FAM117B: variants seen among roughly 807,000 people sequenced by gnomAD.
The protein encoded by FAM117B is protein FAM117B.
Under a neutral mutation model 52.8 loss-of-function variants are expected in FAM117B, and 22 were observed. That is an observed-to-expected ratio of 0.42 (90% CI 0.30 to 0.59). The LOEUF (loss-of-function observed/expected upper bound fraction) is 0.59, where lower values mean the gene tolerates loss of function less well. Among genes scored for constraint, FAM117B ranks in the 20% least tolerant of loss-of-function variants. FAM117B has a pLI of 0.22. For synonymous variants in FAM117B, 309 were observed against 324.1 expected (o/e 0.95, Z 0.50); for missense variants, 678 against 802.6 (o/e 0.84, Z 1.88).
At chr2:202,667,811 A>G (rs1690228449) in intron 1 of FAM117B, among the ~76,000 whole-genome samples, 1 of 152,116 alleles carries the variant, frequency 6.6e-6, no homozygotes, top group African/African-American at 2.4e-5. Context: ...TTGACAGATG[A>G]GGAGATAATT....
At chr2:202,636,207 C>T (rs764021300) in intron 1 of FAM117B, among the ~76,000 whole-genome samples, 13 of 152,204 alleles carry the variant, frequency 8.5e-5, no homozygotes, top group Non-Finnish European at 1.8e-4. Context: ...TAGCCCATAT[C>T]TGCTGCTGCT....
intron 1 of FAM117B, 96 bp from the exon 2 acceptor site, chr2:202,695,781 CATAG>C (rs1209830761): frequency 7.8e-7 from 1 of 1,289,132 alleles, no homozygotes; most frequent in Non-Finnish European, 1.1e-6. Context: ...AGGGGATTAC[CATAG>C]TTAAGTTGGA....
chr2:202,708,051 T>G (rs1690900908), intron 2 of FAM117B, among the ~76,000 whole-genome samples: 1 of 152,190 alleles, frequency 6.6e-6, no homozygotes, highest in Admixed American at 6.5e-5. Context: ...ATTACAGGCA[T>G]AAGCCACCAC....
intron 2 of FAM117B, among the ~76,000 whole-genome samples, chr2:202,723,725 A>G (rs1691187210): frequency 6.6e-6 from 1 of 152,208 alleles, no homozygotes; most frequent in Admixed American, 6.5e-5. Flanking sequence ...GCTACAGGGA[A>G]TAATAGGCAA....
At chr2:202,699,818 A>G (rs1379929143) in intron 2 of FAM117B, among the ~76,000 whole-genome samples, 1 of 152,168 alleles carries the variant, frequency 6.6e-6, no homozygotes, top group East Asian at 1.9e-4. Context: ...GTTTGTGGCA[A>G]CTCTGCCCTG....
intron 4 of FAM117B, among the ~76,000 whole-genome samples, chr2:202,753,986 G>C (rs57853698): frequency 0.49 from 75,229 of 151,988 alleles, 19,256 homozygotes; most frequent in Middle Eastern, 0.62. Flanking sequence ...CAAGGATCTA[G>C]AACCAGAAAT....
intron 4 of FAM117B, among the ~76,000 whole-genome samples, chr2:202,735,710 A>G (rs1256987210): frequency 6.6e-6 from 1 of 152,228 alleles, no homozygotes; most frequent in African/African-American, 2.4e-5. Context: ...AGAGTGGGAG[A>G]TGCCAGCATC....
rs1387607392 is a variant in FAM117B, at chr2:202,696,014, G to A, written c.735G>A (p.Met245Ile). Residue 245 changes from methionine to isoleucine, a missense_variant, in exon 2 of 8, where the codon ATG becomes ATA. Physicochemically the swap from Met to Ile is conservative, Grantham distance 10. Coordinates refer to ENST00000392238, the MANE Select transcript of FAM117B (RefSeq NM_173511.4). ...RDSHGQAAPCMRDKATQTESA... is the reference protein window; with the variant it reads ...RDSHGQAAPCIRDKATQTESA... ...GCCATGGGCAAGCTGCACCTTGCATGAGGGACAAAGCTACACAGGTAAGCT... is the reference window on the plus strand; with the variant it reads ...GCCATGGGCAAGCTGCACCTTGCATAAGGGACAAAGCTACACAGGTAAGCT... The A allele has an allele frequency of 6.2e-7, 1 of 1,614,076 alleles. No homozygotes were observed. Among genetic ancestry groups the A allele is most frequent in the South Asian group, 1.1e-5 (1 of 91,058 alleles).
intron 1 of FAM117B, among the ~76,000 whole-genome samples, chr2:202,659,370 T>G (rs752880561): frequency 2.0e-5 from 3 of 151,952 alleles, no homozygotes; most frequent in Non-Finnish European, 2.9e-5. Context: ...AATGCAAAAG[T>G]GTGATCTTAG....
At chr2:202,729,464 C>G (rs971730611) in intron 4 of FAM117B, among the ~76,000 whole-genome samples, 9 of 152,146 alleles carry the variant, frequency 5.9e-5, no homozygotes, top group African/African-American at 2.2e-4. Context: ...CTTCTGAGGC[C>G]ATTCATCAGC....
chr2:202,764,483 T>C (rs1691946623), intron 7 of FAM117B, among the ~76,000 whole-genome samples: 1 of 152,046 alleles, frequency 6.6e-6, no homozygotes, highest in South Asian at 2.1e-4. Context: ...TTGCCCAGGC[T>C]GGTCTGGAAC....
intron 4 of FAM117B, among the ~76,000 whole-genome samples, chr2:202,733,842 A>T (rs1691396614): frequency 6.6e-6 from 1 of 152,250 alleles, no homozygotes; most frequent in South Asian, 2.1e-4. Context: ...GTACATTCTC[A>T]GCTTACAAAG....
In FAM117B at chr2:202,759,348, A is replaced by G. The variant is rs780714925; in HGVS notation, c.1446A>G (p.Glu482=). 21 of 1,612,600 alleles carry G rather than the reference A, an allele frequency of 1.3e-5. No individual in the cohort carries two copies. The East Asian group carries it at 3.1e-4, about 24-fold the overall frequency. The part of the protein sequence containing the change: ...EGCERVKVFE[E]CSPKQLHEIP... ...GTGAAAGGGTCAAAGTCTTTGAGGAATGCTCGTAAGTATCCCTTCCACCAT... is the reference window on the plus strand; with the variant it reads ...GTGAAAGGGTCAAAGTCTTTGAGGAGTGCTCGTAAGTATCCCTTCCACCAT... The change falls in exon 7 of 8, where the codon GAA becomes GAG. Residue 482 remains glutamate (E), a synonymous_variant. Transcript: ENST00000392238.
intron 1 of FAM117B, among the ~76,000 whole-genome samples, chr2:202,664,366 T>C (rs1015168732): frequency 6.6e-6 from 1 of 152,236 alleles, no homozygotes; most frequent in East Asian, 1.9e-4. Context: ...TAGCCTGGAA[T>C]GTCTGAGAAC....
intron 7 of FAM117B, among the ~76,000 whole-genome samples, chr2:202,759,881 T>C (rs2105800736): frequency 6.6e-6 from 1 of 151,996 alleles, no homozygotes; most frequent in South Asian, 2.1e-4. Context: ...TTTTAAAGTT[T>C]GGAGAGACAG....
At chr2:202,707,745 CAAAT>C (rs1402553622) in intron 2 of FAM117B, among the ~76,000 whole-genome samples, 1 of 151,486 alleles carries the variant, frequency 6.6e-6, no homozygotes, top group Non-Finnish European at 1.5e-5. Context: ...ATCAATAAAA[CAAAT>C]AGTTTCATGA....
intron 1 of FAM117B, 77 bp from the exon 2 acceptor site, chr2:202,695,804 T>C (rs551203455): frequency 3.6e-5 from 52 of 1,450,878 alleles, no homozygotes; most frequent in Non-Finnish European, 4.4e-5. Flanking sequence ...GAGAACTTTC[T>C]ACATAGTTTA....
At chr2:202,674,500 A>G (rs1398166182) in intron 1 of FAM117B, among the ~76,000 whole-genome samples, 1 of 152,242 alleles carries the variant, frequency 6.6e-6, no homozygotes, top group Non-Finnish European at 1.5e-5. Flanking sequence ...ACTCTGCTGC[A>G]CTTCTGTTCC....
rs533971477 is a variant in FAM117B, at chr2:202,645,727, C to T, written c.601+9939C>T. Among the ~76,000 whole-genome samples, 5 of 152,026 alleles carry T rather than the reference C, an allele frequency of 3.3e-5. No individual in the cohort carries two copies. In the South Asian group the frequency reaches 8.3e-4, roughly 25 times the overall value. On this transcript the variant is annotated intron_variant, in intron 1 of 7. Coordinates refer to ENST00000392238, the MANE Select transcript of FAM117B (RefSeq NM_173511.4). ...CAAGCAAGTCTCCTGCCTCAGCCTCCCGAGTAGCTGGGACTGTAGGCGCGC... is the reference window on the plus strand; with the variant it reads ...CAAGCAAGTCTCCTGCCTCAGCCTCTCGAGTAGCTGGGACTGTAGGCGCGC...
Sources: gnomAD v4.1 joint callset for allele counts (sites outside exome capture counted in the v4.1 genomes callset) on GRCh38, gnomAD v4.1.1 for gene constraint, MANE v1.5 for transcripts, NCBI Gene and HGNC (gene_info 2026-07-23, HGNC 2026-07-21) for gene names.